Variants in CLTC observed in about 807,000 individuals in gnomAD.
CLTC encodes clathrin heavy chain.
In CLTC, 16 loss-of-function variants were observed where a neutral mutation model predicts 195.8. That is an observed-to-expected ratio of 0.08 (90% CI 0.06 to 0.12). The LOEUF is 0.12. CLTC is among the 10% of genes least tolerant of loss of function. The probability of loss-of-function intolerance (pLI) is 1.00; values close to 1 mark genes in which losing one functional copy is unlikely to be tolerated. For missense variants in CLTC, 796 were observed against 2,027.0 expected, an observed-to-expected ratio of 0.39 and a Z score of 11.66; for synonymous variants, 667 against 689.4, an observed-to-expected ratio of 0.97 and a Z score of 0.51.
At chr17:59,676,438 C>G (rs768014904) in intron 16 of CLTC, among the ~76,000 whole-genome samples, 4 of 152,128 alleles carry the variant, frequency 2.6e-5, no homozygotes, top group Admixed American at 2.6e-4. Context: ...TATCACATCC[C>G]CATCCTATCC....
chr17:59,621,037 G>T (rs989038601), intron 1 of CLTC, among the ~76,000 whole-genome samples: 2 of 152,206 alleles, frequency 1.3e-5, no homozygotes, highest in Non-Finnish European at 2.9e-5. Flanking sequence ...ATTGAACAGA[G>T]CCCTGGGGAC....
chr17:59,664,952 G>C (rs766167064), intron 10 of CLTC, 43 bp downstream of exon 10: 5 of 1,605,838 alleles, frequency 3.1e-6, no homozygotes, highest in Non-Finnish European at 4.3e-6. Context: ...GATTGAAATG[G>C]AGAGTGGGGG....
At chr17:59,642,037 C>T (rs1228379545) in intron 1 of CLTC, among the ~76,000 whole-genome samples, 8 of 149,326 alleles carry the variant, frequency 5.4e-5, no homozygotes, top group African/African-American at 2.0e-4. Context: ...AGTAAAATAC[C>T]CTGAGGCTGA....
At chr17:59,670,229 C>T (rs941675213) in intron 14 of CLTC, among the ~76,000 whole-genome samples, 3 of 151,238 alleles carry the variant, frequency 2.0e-5, no homozygotes, top group African/African-American at 7.3e-5. Flanking sequence ...AAAAAAACAA[C>T]AACAAAAAAA....
chr17:59,666,426 A>G lies in CLTC; in HGVS notation c.1783-54A>G. 1 of 1,579,774 alleles carries G rather than the reference A, an allele frequency of 6.3e-7. No individual in the cohort carries two copies. Among genetic ancestry groups the G allele is most frequent in the South Asian group, 1.1e-5 (1 of 87,742 alleles). On this transcript the variant is annotated intron_variant, in intron 11 of 31. Coordinates refer to ENST00000269122, the MANE Select transcript of CLTC (RefSeq NM_004859.4). This position sits in a 1 kb window ranked among gnomAD's most constrained non-coding sequence, Gnocchi z 4.9. ...CCTTAATCTGTAATACGGATATTGA[A>G]TTACTCATGTAAGTGGAGTGGACAA...
intron 6 of CLTC, among the ~76,000 whole-genome samples, chr17:59,659,040 G>A (rs1272846844): frequency 2.0e-5 from 3 of 151,990 alleles, no homozygotes; most frequent in African/African-American, 7.3e-5. Context: ...TTACTGATTT[G>A]GGGACAGAAA....
In CLTC at chr17:59,682,825, A is replaced by G. The variant is rs1300614973; in HGVS notation, c.3765+32A>G. The G allele has an allele frequency of 2.5e-6, 4 of 1,611,346 alleles. No individual in the cohort carries two copies. The African/African-American group carries it at 4.0e-5, about 16-fold the overall frequency. On this transcript the variant is annotated intron_variant, in intron 23 of 31. Coordinates refer to ENST00000269122, the MANE Select transcript of CLTC (RefSeq NM_004859.4). The surrounding 1 kb of genome is among the most constrained non-coding windows in gnomAD (Gnocchi z 6.8). ...TAAACCCAAGTTTGAGTGAAGAATT[A>G]AAGAAACGCTATTTAAACATTAGTT...
At chr17:59,654,290 C>T (rs532291370) in intron 5 of CLTC, among the ~76,000 whole-genome samples, 1 of 151,402 alleles carries the variant, frequency 6.6e-6, no homozygotes, top group East Asian at 1.9e-4. Flanking sequence ...ATTATTGTGC[C>T]TCAGCCTCCC....
intron 4 of CLTC, among the ~76,000 whole-genome samples, chr17:59,650,855 T>C (rs1292738485): frequency 6.6e-6 from 1 of 152,162 alleles, no homozygotes; most frequent in African/African-American, 2.4e-5. Flanking sequence ...CCCTTATGAC[T>C]GTAGCGTCAC....
chr17:59,686,309 A>C (rs1006056003), intron 30 of CLTC, among the ~76,000 whole-genome samples: 1 of 150,974 alleles, frequency 6.6e-6, no homozygotes, highest in Non-Finnish European at 1.5e-5. Flanking sequence ...GAAAAAAAAA[A>C]CAAGCTGGGG....
intron 1 of CLTC, among the ~76,000 whole-genome samples, chr17:59,634,587 C>T (rs117348249): frequency 0.016 from 2,470 of 152,192 alleles, 50 homozygotes; most frequent in Non-Finnish European, 0.019. Flanking sequence ...GTGGTTGCTT[C>T]CTGAATATAT....
At chr17:59,641,718 T>A (rs2032041409) in intron 1 of CLTC, among the ~76,000 whole-genome samples, 1 of 151,822 alleles carries the variant, frequency 6.6e-6, no homozygotes, top group Non-Finnish European at 1.5e-5. Flanking sequence ...ACCAATACAT[T>A]CCTGAAGGAG....
rs2033101689 is a variant in CLTC at position 59,682,544 on chromosome 17, T to G, written c.3601-85T>G. 6.3e-7 allele frequency: 1 copy of G among 1,579,266 alleles called. No individual in the cohort carries two copies. Among genetic ancestry groups the G allele is most frequent in the African/African-American group, 1.4e-5 (1 of 73,652 alleles). ...AAAAATCTATAGGAAAACAAATTCT[T>G]TCTCATTGTGAAGATATCAATTTGA... On this transcript the variant is annotated intron_variant, in intron 22 of 31. Transcript: ENST00000269122. This position sits in a 1 kb window ranked among gnomAD's most constrained non-coding sequence, Gnocchi z 6.8.
rs557041017 is a variant in CLTC, at chr17:59,681,482, A to C, written c.3249+4A>C. On this transcript the variant is annotated splice_donor_region_variant and intron_variant, in intron 20 of 31. Transcript: ENST00000269122. This position sits in a 1 kb window ranked among gnomAD's most constrained non-coding sequence, Gnocchi z 5.0. ...TGTCAATACTTCAGCAGTTCAGGTAAATCTTCAGATTACCTAAGTTGAATT... is the reference window on the plus strand; with the variant it reads ...TGTCAATACTTCAGCAGTTCAGGTACATCTTCAGATTACCTAAGTTGAATT... 1 of 1,613,778 alleles carries C rather than the reference A, an allele frequency of 6.2e-7. No individual in the cohort carries two copies. Among genetic ancestry groups the C allele is most frequent in the Non-Finnish European group, 8.5e-7 (1 of 1,179,772 alleles).
chr17:59,640,048 A>G (rs139287205), intron 1 of CLTC, among the ~76,000 whole-genome samples: 75 of 152,278 alleles, frequency 4.9e-4, no homozygotes, highest in African/African-American at 1.6e-3. Context: ...TATGGTTACT[A>G]TGTGCTGTTT....
At chr17:59,688,996 CTAAT>C (rs768447922) in intron 30 of CLTC, among the ~76,000 whole-genome samples, 3 of 152,096 alleles carry the variant, frequency 2.0e-5, no homozygotes, top group Non-Finnish European at 2.9e-5. Flanking sequence ...AGTTCTATAA[CTAAT>C]AATTTTTGTT....
intron 18 of CLTC, among the ~76,000 whole-genome samples, chr17:59,680,428 G>A (rs1187049799): frequency 1.3e-5 from 2 of 152,090 alleles, no homozygotes; most frequent in South Asian, 2.1e-4. Flanking sequence ...TTTTGGAAAC[G>A]AATAGGTTGA....
chr17:59,653,200 A>T (rs556088251), intron 5 of CLTC, among the ~76,000 whole-genome samples: 9 of 148,512 alleles, frequency 6.1e-5, no homozygotes, highest in Non-Finnish European at 8.9e-5. Flanking sequence ...TATTTTATTT[A>T]TTTTTTTTTT....
rs568628399 is a variant in CLTC, at chr17:59,636,857, G to C, written c.43-7419G>C. Among the ~76,000 whole-genome samples, 3 of 152,042 alleles carry C rather than the reference G, an allele frequency of 2.0e-5. No individual in the cohort carries two copies. In the East Asian group the frequency reaches 5.8e-4, roughly 29 times the overall value. Reference sequence around the variant, plus strand: ...GGCTCACTGCAGCCTCTGCCTCCCGGGTTCAAGCGATTCTCCTGCCTCAGT... The same window carrying C: ...GGCTCACTGCAGCCTCTGCCTCCCGCGTTCAAGCGATTCTCCTGCCTCAGT... On this transcript the variant is annotated intron_variant, in intron 1 of 31. Coordinates refer to ENST00000269122, the MANE Select transcript of CLTC (RefSeq NM_004859.4).
Sources: gnomAD v4.1 joint callset for allele counts (sites outside exome capture counted in the v4.1 genomes callset) on GRCh38, gnomAD v4.1.1 for gene constraint, Gnocchi (gnomAD v3.1) non-coding constraint, MANE v1.5 for transcripts, NCBI Gene and HGNC (gene_info 2026-07-23, HGNC 2026-07-21) for gene names.